PPP2R2C: variants seen among roughly 807,000 people sequenced by gnomAD.
PPP2R2C encodes protein phosphatase 2 regulatory subunit Bgamma, also known as protein phosphatase 2, regulatory subunit B, gamma.
In PPP2R2C, 10 loss-of-function variants were observed where a neutral mutation model predicts 45.3. The observed-to-expected ratio is 0.22, with a 90% CI of 0.14 to 0.37. The LOEUF (loss-of-function observed/expected upper bound fraction) is 0.37. Ranked by LOEUF, PPP2R2C falls within the 10% of genes least tolerant of loss-of-function variation. The pLI, the probability that PPP2R2C is intolerant of heterozygous loss-of-function variation, is 1.00. For missense variants in PPP2R2C, 308 were observed against 619.7 expected (o/e 0.50, Z 5.34); for synonymous variants, 257 against 245.4 (o/e 1.05, Z -0.44).
At chr4:6,340,320 C>T (rs550566612) in intron 6 of PPP2R2C, among the ~76,000 whole-genome samples, 23 of 152,282 alleles carry the variant, frequency 1.5e-4, no homozygotes, top group Admixed American at 2.0e-4. Flanking sequence ...GGGGCACCCC[C>T]GCCCCCATTC....
At chr4:6,549,100 G>A (rs1577252898) in intron 1 of PPP2R2C, among the ~76,000 whole-genome samples, 1 of 152,262 alleles carries the variant, frequency 6.6e-6, no homozygotes, top group East Asian at 1.9e-4. Context: ...CCAGACCTCT[G>A]GAGCTAAGCC....
At chr4:6,365,971 T>A (rs1714262035) in intron 5 of PPP2R2C, among the ~76,000 whole-genome samples, 1 of 152,214 alleles carries the variant, frequency 6.6e-6, no homozygotes, top group African/African-American at 2.4e-5. Flanking sequence ...CAGTGCTGTG[T>A]TAACAGTCTC....
chr4:6,448,307 C>T (rs575011901), intron 1 of PPP2R2C, among the ~76,000 whole-genome samples: 1 of 152,126 alleles, frequency 6.6e-6, no homozygotes, highest in Admixed American at 6.5e-5. Flanking sequence ...CACCTGTAAT[C>T]CCAGCACTTT....
chr4:6,490,477 G>A (rs1722665677), intron 2 of PPP2R2C, among the ~76,000 whole-genome samples: 1 of 152,130 alleles, frequency 6.6e-6, no homozygotes, highest in Non-Finnish European at 1.5e-5. Flanking sequence ...TTAAATATCA[G>A]GACTACAGGA....
intron 5 of PPP2R2C, among the ~76,000 whole-genome samples, chr4:6,351,725 G>C (rs866832418): frequency 4.6e-5 from 7 of 152,118 alleles, no homozygotes; most frequent in Non-Finnish European, 8.8e-5. Flanking sequence ...CCCACGGTAA[G>C]ATCTCCGTGG....
intron 1 of PPP2R2C, chr4:6,382,368 C>G: frequency 7.5e-7 from 1 of 1,339,690 alleles, no homozygotes; most frequent in South Asian, 1.2e-5. Context: ...CAGATCTGAC[C>G]GTTGCTCCCT....
intron 5 of PPP2R2C, among the ~76,000 whole-genome samples, chr4:6,356,228 C>A (rs1713176118): frequency 6.6e-6 from 1 of 152,160 alleles, no homozygotes; most frequent in African/African-American, 2.4e-5. Context: ...TCCCCCAAAC[C>A]CCAGCCAAGC....
chr4:6,561,045 G>T (rs956450776), intron 1 of PPP2R2C, among the ~76,000 whole-genome samples: 3 of 152,236 alleles, frequency 2.0e-5, no homozygotes, highest in African/African-American at 7.2e-5. Context: ...TCATGGCGGT[G>T]ACCGCCCTTC....
rs1721974163 is a variant in PPP2R2C, at chr4:6,472,614, T to C, written c.-385A>G. Among the ~76,000 whole-genome samples, 1 of 146,580 alleles carries C rather than the reference T, an allele frequency of 6.8e-6. No homozygotes were observed. On this transcript the variant is annotated 5_prime_UTR_variant, in exon 1 of 9. Transcript: ENST00000382599. ...CGACCAAGCCGGGGCCGAGCCGGGC[T>C]GCGCGGGCTGGGGCCGCCGCCGCCG... is the stretch of plus-strand genomic sequence containing the variant.
At chr4:6,489,457 C>A (rs1722626695) in intron 2 of PPP2R2C, among the ~76,000 whole-genome samples, 1 of 152,134 alleles carries the variant, frequency 6.6e-6, no homozygotes, top group Non-Finnish European at 1.5e-5. Context: ...CAGCATAGCC[C>A]TCTCCAAAGC....
rs181216972 is a variant in PPP2R2C at position 6,354,211 on chromosome 4, G to A, written c.626-6201C>T. Among the ~76,000 whole-genome samples, 18 of 151,708 alleles carry A rather than the reference G, an allele frequency of 1.2e-4. No homozygotes were observed. In the East Asian group the frequency reaches 3.2e-3, roughly 27 times the overall value. ...CAGCTGCGGGACTCCCCACCACCCTGCGTGTTGGCCTCTCCCACCCCACCG... is the reference window on the plus strand; with the variant it reads ...CAGCTGCGGGACTCCCCACCACCCTACGTGTTGGCCTCTCCCACCCCACCG... On this transcript the variant is annotated intron_variant, in intron 5 of 8. Coordinates refer to ENST00000382599, the MANE Select transcript of PPP2R2C (RefSeq NM_020416.4).
intron 2 of PPP2R2C, among the ~76,000 whole-genome samples, chr4:6,487,771 T>C (rs2108783193): frequency 6.6e-6 from 1 of 152,236 alleles, no homozygotes; most frequent in Non-Finnish European, 1.5e-5. Context: ...AATTTGGAAA[T>C]TTGCCAGCCA....
chr4:6,540,793 G>A (rs1724782964), intron 1 of PPP2R2C, among the ~76,000 whole-genome samples: 1 of 152,218 alleles, frequency 6.6e-6, no homozygotes, highest in South Asian at 2.1e-4. Context: ...GGATACATGG[G>A]AAGAAAGCAA....
chr4:6,323,659 G>T, intron 8 of PPP2R2C, 66 bp from the exon 9 acceptor site: 1 of 1,419,230 alleles, frequency 7.0e-7, no homozygotes, highest in Non-Finnish European at 9.3e-7. Flanking sequence ...AATAAGCCCA[G>T]GTGTGGGGGC....
Position 6,321,441 on chromosome 4 carries a change from A to G in PPP2R2C, c.*1861T>C, listed in dbSNP as rs1299547705. 2.0e-5 allele frequency: 3 copies of G among 152,628 alleles called. No individual in the cohort carries two copies. In the East Asian group the frequency reaches 5.8e-4, roughly 29 times the overall value. 9.5% of individuals were successfully genotyped at this position (152,628 alleles called of 1,614,324 possible). The stretch of plus-strand genomic sequence containing the variant: ...ATGTACATATAATACTGTCCAGGTC[A>G]ACTGGATTTTATAGTGATATATAAA... On this transcript the variant is annotated 3_prime_UTR_variant, in exon 9 of 9. Coordinates refer to ENST00000382599, the MANE Select transcript of PPP2R2C (RefSeq NM_020416.4).
chr4:6,359,699 G>T (rs906007588), intron 5 of PPP2R2C, among the ~76,000 whole-genome samples: 1 of 151,330 alleles, frequency 6.6e-6, no homozygotes, highest in African/African-American at 2.4e-5. Context: ...CCAGCCACGC[G>T]AGCTCAGCCA....
chr4:6,409,594 T>G (rs1305923752), intron 1 of PPP2R2C, among the ~76,000 whole-genome samples: 2 of 152,102 alleles, frequency 1.3e-5, no homozygotes, highest in East Asian at 3.9e-4. Context: ...GAGAGTAAAG[T>G]GCCATCGTCA....
chr4:6,490,104 G>A (rs4689466), intron 2 of PPP2R2C, among the ~76,000 whole-genome samples: 49,694 of 152,012 alleles, frequency 0.33, 9,412 homozygotes, highest in East Asian at 0.74. Flanking sequence ...CCAGGCATCC[G>A]TCCCTCCCAC....
rs75776192 is a variant in PPP2R2C, at chr4:6,357,677, G to A, written c.626-9667C>T. ...CAAGTGCAGCCCTGGAGGGACAGGT[G>A]GGCCTATCCCGGTCCCCCATCCACA... On this transcript the variant is annotated intron_variant, in intron 5 of 8. Coordinates refer to ENST00000382599, the MANE Select transcript of PPP2R2C (RefSeq NM_020416.4). 1.8e-3 allele frequency among the ~76,000 whole-genome samples: 273 copies of A among 152,306 alleles called. 1 individual carries two copies. Among genetic ancestry groups the A allele is most frequent in the African/African-American group, 6.4e-3 (265 of 41,566 alleles).
Sources: allele counts gnomAD v4.1 joint callset (sites outside exome capture counted in the v4.1 genomes callset), GRCh38; gene constraint gnomAD v4.1.1; transcripts MANE v1.5; gene names NCBI Gene and HGNC (gene_info 2026-07-23, HGNC 2026-07-21).